SLC44A5: variants seen among roughly 807,000 people sequenced by gnomAD.
The protein encoded by SLC44A5 is choline transporter-like protein 5.
SLC44A5 carries 57 observed loss-of-function variants against 101.8 expected under a neutral mutation model. The observed-to-expected ratio is 0.56, with a 90% CI of 0.45 to 0.70. The LOEUF is 0.70. Among genes scored for constraint, SLC44A5 ranks in the 30% least tolerant of loss-of-function variants. The pLI is 0.00. For missense variants in SLC44A5, 737 were observed against 853.1 expected, an observed-to-expected ratio of 0.86 and a Z score of 1.70; for synonymous variants, 281 against 290.9, an observed-to-expected ratio of 0.97 and a Z score of 0.35.
chr1:75,658,792 T>C, the SLC44A5 span, among the ~76,000 whole-genome samples: 1 of 151,862 alleles, frequency 6.6e-6, no homozygotes, highest in African/African-American at 2.4e-5. Context: ...CAGAAATAAA[T>C]GAAATTGAGA....
intron 2 of SLC44A5, among the ~76,000 whole-genome samples, chr1:75,409,416 A>T (rs1303721777): frequency 6.6e-6 from 1 of 152,006 alleles, no homozygotes; most frequent in Non-Finnish European, 1.5e-5. Flanking sequence ...CTTGAATCTA[A>T]TTTTTTTTAA....
the SLC44A5 span, among the ~76,000 whole-genome samples, chr1:75,707,569 T>C: frequency 1.3e-5 from 2 of 152,214 alleles, no homozygotes; most frequent in African/African-American, 4.8e-5. Context: ...CTTCTGACCT[T>C]TGAGAAGGTT....
intron 1 of SLC44A5, among the ~76,000 whole-genome samples, chr1:75,581,768 C>A (rs76988066): frequency 0.014 from 2,158 of 152,222 alleles, 24 homozygotes; most frequent in Non-Finnish European, 0.018. Flanking sequence ...ACTCTTAATT[C>A]CCTTGAGAAC....
chr1:75,676,121 T>C, the SLC44A5 span, among the ~76,000 whole-genome samples: 2 of 152,214 alleles, frequency 1.3e-5, no homozygotes, highest in Non-Finnish European at 2.9e-5. Flanking sequence ...GTTCAACTAT[T>C]CTGGAAGACA....
intron 4 of SLC44A5, among the ~76,000 whole-genome samples, chr1:75,336,643 A>G (rs1236653516): frequency 6.6e-6 from 1 of 152,140 alleles, no homozygotes; most frequent in East Asian, 1.9e-4. Flanking sequence ...ATTTTCCTAG[A>G]CTTGGATCAC....
rs935558180 is a variant in SLC44A5, at chr1:75,202,718, C to T, written c.*1009G>A. The T allele has an allele frequency of 1.3e-5, 2 of 152,114 alleles. No individual in the cohort carries two copies. The highest frequency in any genetic ancestry group is 2.9e-5 in the Non-Finnish European group (2 of 68,010). 9.4% of individuals were successfully genotyped at this position (152,114 alleles called of 1,614,324 possible). On this transcript the variant is annotated 3_prime_UTR_variant, in exon 24 of 24. Transcript: ENST00000370859. The stretch of plus-strand genomic sequence containing the variant: ...TACATGACATCTGTGAGCACCCTTT[C>T]GAGGAGTAAAGTTTCCCTTTGCAAT...
At chr1:75,313,206 G>C (rs989461471) in intron 4 of SLC44A5, among the ~76,000 whole-genome samples, 1 of 152,114 alleles carries the variant, frequency 6.6e-6, no homozygotes, top group African/African-American at 2.4e-5. Flanking sequence ...ATAAATGTCA[G>C]AGCATGGGAG....
chr1:75,706,563 C>T, the SLC44A5 span, among the ~76,000 whole-genome samples: 1 of 151,910 alleles, frequency 6.6e-6, no homozygotes, highest in African/African-American at 2.4e-5. Flanking sequence ...GTCATTTTTT[C>T]AATATATCTG....
At chr1:75,223,680 C>CTAT (rs1429018390) in intron 13 of SLC44A5, among the ~76,000 whole-genome samples, 1 of 152,150 alleles carries the variant, frequency 6.6e-6, no homozygotes, top group Non-Finnish European at 1.5e-5. Context: ...TTATTTCATT[C>CTAT]TATTATTATA....
chr1:75,685,463 C>G, the SLC44A5 span, among the ~76,000 whole-genome samples: 1 of 152,142 alleles, frequency 6.6e-6, no homozygotes. Context: ...AGTTTCAATT[C>G]CAAACCATAT....
At chr1:75,560,478 G>T (rs991880718) in intron 1 of SLC44A5, among the ~76,000 whole-genome samples, 9 of 152,126 alleles carry the variant, frequency 5.9e-5, no homozygotes, top group Admixed American at 2.6e-4. Context: ...GTTTCTTTTA[G>T]GGGAGACAAA....
At chr1:75,653,368 G>A in the SLC44A5 span, among the ~76,000 whole-genome samples, 1 of 152,146 alleles carries the variant, frequency 6.6e-6, no homozygotes, top group Non-Finnish European at 1.5e-5. Context: ...TATAATCCCA[G>A]CTACTCGGGA....
At chr1:75,640,503 A>C in the SLC44A5 span, among the ~76,000 whole-genome samples, 3 of 152,064 alleles carry the variant, frequency 2.0e-5, no homozygotes, top group Non-Finnish European at 4.4e-5. Flanking sequence ...TCATTGGGAA[A>C]CCATCACAGA....
intron 1 of SLC44A5, among the ~76,000 whole-genome samples, chr1:75,598,963 T>C (rs1042106177): frequency 4.9e-4 from 75 of 152,266 alleles, no homozygotes; most frequent in Non-Finnish European, 4.4e-4. Flanking sequence ...CAAATATATA[T>C]ATAATGTTGT....
intron 2 of SLC44A5, among the ~76,000 whole-genome samples, chr1:75,476,517 C>T (rs893218357): frequency 5.3e-5 from 8 of 152,168 alleles, no homozygotes; most frequent in East Asian, 1.9e-4. Context: ...GGGTGACAGA[C>T]GGCACCTGGA....
intron 1 of SLC44A5, among the ~76,000 whole-genome samples, chr1:75,564,603 T>TTATTTATTTATTTATTTA (rs1672690615): frequency 1.4e-5 from 2 of 138,042 alleles, no homozygotes; most frequent in South Asian, 2.3e-4. Flanking sequence ...TTTTTTTAAT[T>TTATTTATTTATTTATTTA]TTTATTTATT....
At chr1:75,656,885 A>G in the SLC44A5 span, among the ~76,000 whole-genome samples, 74 of 152,342 alleles carry the variant, frequency 4.9e-4, no homozygotes, top group Middle Eastern at 6.8e-3. Context: ...ATGGTGGCTC[A>G]TGCCTGTAAT....
intron 3 of SLC44A5, among the ~76,000 whole-genome samples, chr1:75,354,172 C>T (rs1487788605): frequency 1.3e-5 from 2 of 152,140 alleles, no homozygotes; most frequent in Non-Finnish European, 2.9e-5. Context: ...ACCATAAATT[C>T]CCTTGATCAT....
At chr1:75,335,373 C>T (rs1657364388) in intron 4 of SLC44A5, among the ~76,000 whole-genome samples, 1 of 152,204 alleles carries the variant, frequency 6.6e-6, no homozygotes, top group African/African-American at 2.4e-5. Context: ...CTGAGCCGAA[C>T]TGATGTTCAT....
Sources: allele counts gnomAD v4.1 joint callset (sites outside exome capture counted in the v4.1 genomes callset), GRCh38; gene constraint gnomAD v4.1.1; transcripts MANE v1.5; gene names NCBI Gene and HGNC (gene_info 2026-07-23, HGNC 2026-07-21).